The following ATL3 variants were observed in gnomAD, a reference collection of about 807,000 sequenced individuals.
ATL3 encodes the protein atlastin-3.
ATL3 carries 49 observed loss-of-function variants against 69.5 expected under a neutral mutation model. The observed-to-expected ratio is 0.71, with a 90% confidence interval of 0.56 to 0.89. The LOEUF (loss-of-function observed/expected upper bound fraction) is 0.89. Among genes scored for constraint, ATL3 ranks in the 40% least tolerant of loss-of-function variants. The probability of loss-of-function intolerance (pLI) is 0.00; values close to 1 mark genes in which losing one functional copy is unlikely to be tolerated. For synonymous variants in ATL3, 214 were observed against 224.1 expected (o/e 0.95, Z 0.40); for missense variants, 606 against 645.7 (o/e 0.94, Z 0.67).
intron 6 of ATL3, among the ~76,000 whole-genome samples, chr11:63,645,359 C>A (rs1016325582): frequency 2.6e-5 from 4 of 151,504 alleles, no homozygotes; most frequent in Non-Finnish European, 4.4e-5. Context: ...CATGCTACTG[C>A]ACTCCAGCCT....
chr11:63,666,311 T>TTACAGGCGTGAGCC (rs1176056105), intron 1 of ATL3, among the ~76,000 whole-genome samples: 1 of 152,164 alleles, frequency 6.6e-6, no homozygotes, highest in Admixed American at 6.5e-5. Flanking sequence ...AGTACTGGGA[T>TTACAGGCGTGAGCC]TACAGGCGTG....
intron 3 of ATL3, among the ~76,000 whole-genome samples, chr11:63,657,548 A>G (rs985629815): frequency 7.2e-5 from 11 of 152,380 alleles, no homozygotes; most frequent in African/African-American, 2.4e-4. Context: ...GTAACACATA[A>G]GAGCATCAGC....
At chr11:63,655,354 T>A (rs999185485) in intron 3 of ATL3, among the ~76,000 whole-genome samples, 7 of 152,126 alleles carry the variant, frequency 4.6e-5, no homozygotes, top group African/African-American at 1.7e-4. Context: ...CATCACCATG[T>A]TGGCCAGGCT....
upstream of ATL3, chr11:63,671,629 C>G (rs991461990): frequency 2.0e-5 from 28 of 1,419,962 alleles, no homozygotes; most frequent in South Asian, 2.6e-5. Context: ...AGCGAGCCGC[C>G]GGGTACCTGT....
rs1939179262 is a variant in ATL3 at position 63,628,122 on chromosome 11, T to C, written c.*1197A>G. On this transcript the variant is annotated 3_prime_UTR_variant, in exon 13 of 13. Transcript: ENST00000398868. ...ACCCCTCAAATGACAATTACAAGAG[T>C]TGTGTAAAACATACATACATATGTA... 2 of 152,070 alleles carry C rather than the reference T, an allele frequency of 1.3e-5. No homozygotes were observed. Among genetic ancestry groups the C allele is most frequent in the African/African-American group, 4.8e-5 (2 of 41,400 alleles). 9.4% of individuals were successfully genotyped at this position (152,070 alleles called of 1,614,324 possible).
At chr11:63,659,483 TGTA>T (rs1377120411) in intron 1 of ATL3, among the ~76,000 whole-genome samples, 1 of 152,026 alleles carries the variant, frequency 6.6e-6, no homozygotes, top group Non-Finnish European at 1.5e-5. Flanking sequence ...ATTAGCCATA[TGTA>T]GTGGTGTATA....
rs746731806 is a variant in ATL3 at position 63,631,209 on chromosome 11, G to A, written c.1370C>T (p.Ala457Val). 33 of 1,614,094 alleles carry A rather than the reference G, an allele frequency of 2.0e-5. No homozygotes were observed. The highest frequency in any genetic ancestry group is 2.7e-5 in the Non-Finnish European group (32 of 1,180,034). ...ACCTATGAAGCCAGTGAGGCCTGAG[G>A]CTATGTACAAAGCTACAATGCCCGT... ...LFTGIVALYI[A>V]SGLTGFIGLE... The change falls in exon 12 of 13, where the codon GCC (alanine) becomes GTC (valine). Residue 457 changes from alanine to valine, a missense_variant. Ala to Val is a moderately conservative substitution (Grantham distance 64). Coordinates refer to ENST00000398868, the MANE Select transcript of ATL3 (RefSeq NM_015459.5).
At position 63,629,160 on chromosome 11, in the gene ATL3, C is replaced by T; in HGVS notation, c.*159G>A. 1.6e-6 allele frequency: 1 copy of T among 608,000 alleles called. No homozygotes were observed. Among genetic ancestry groups the T allele is most frequent in the South Asian group, 2.2e-5 (1 of 45,292 alleles). 37.7% of individuals were successfully genotyped at this position (608,000 alleles called of 1,614,324 possible). On this transcript the variant is annotated 3_prime_UTR_variant, in exon 13 of 13. Coordinates refer to ENST00000398868, the MANE Select transcript of ATL3 (RefSeq NM_015459.5). ...GGAAGTGTGTTTAATAATTTGAAAC[C>T]ACAGGAGAGGTCTGCTCATTTATTA...
chr11:63,656,003 T>A (rs1940232163), intron 3 of ATL3, among the ~76,000 whole-genome samples: 1 of 151,998 alleles, frequency 6.6e-6, no homozygotes, highest in African/African-American at 2.4e-5. Context: ...GGCGGGCAGA[T>A]CACGAGGTCA....
At chr11:63,662,378 A>C (rs1940449012) in intron 1 of ATL3, among the ~76,000 whole-genome samples, 1 of 152,222 alleles carries the variant, frequency 6.6e-6, no homozygotes, top group African/African-American at 2.4e-5. Flanking sequence ...TAGGTAGTTA[A>C]AAGGACATAG....
At chr11:63,631,720 G>A (rs1195838908) in intron 11 of ATL3, among the ~76,000 whole-genome samples, 14 of 152,166 alleles carry the variant, frequency 9.2e-5, no homozygotes, top group Non-Finnish European at 1.6e-4. Context: ...GGTGGCTCAC[G>A]CCTGTAATCC....
chr11:63,629,283 C>CTT lies in ATL3; in HGVS notation c.*34_*35dup, dbSNP rs775406425. ...GCAGAAACCCAGAAATCAGTAGGGG[C>CTT]TTGTTGTGTTCTTGTTTGATCTTCA... On this transcript the variant is annotated 3_prime_UTR_variant, in exon 13 of 13. Transcript: ENST00000398868. 2.6e-6 allele frequency: 4 copies of CTT among 1,556,806 alleles called. No homozygotes were observed. The East Asian group carries it at 9.0e-5, about 35-fold the overall frequency.
At position 63,652,489 on chromosome 11, in the gene ATL3, AG is replaced by A; in HGVS notation, c.491del (p.Thr164IlefsTer2). 1 of 1,603,818 alleles carries A rather than the reference AG, an allele frequency of 6.2e-7. No individual in the cohort carries two copies. Among genetic ancestry groups the A allele is most frequent in the Non-Finnish European group, 8.5e-7 (1 of 1,173,810 alleles). ...TTTTTACCTGAACAGAACTAGTCATAGTGCTTAGAGCAAAGATGGTAGCACA... is the reference window on the plus strand; with the variant it reads ...TTTTTACCTGAACAGAACTAGTCATATGCTTAGAGCAAAGATGGTAGCACA... Reference protein sequence around the residue: ...KDCATIFALSTMTSSVQIYNL... With the variant: ...KDCATIFALSXMTSSVQIYNL... On this transcript the variant is annotated frameshift_variant, in exon 4 of 13. Transcript: ENST00000398868. LOFTEE classifies it high-confidence loss of function.
At chr11:63,656,476 G>A (rs547206840) in intron 3 of ATL3, among the ~76,000 whole-genome samples, 18 of 151,946 alleles carry the variant, frequency 1.2e-4, no homozygotes, top group Non-Finnish European at 2.6e-4. Flanking sequence ...GCTCATGCTT[G>A]TAATCCCAGC....
chr11:63,663,686 G>A (rs1485766102), intron 1 of ATL3, among the ~76,000 whole-genome samples: 1 of 152,158 alleles, frequency 6.6e-6, no homozygotes, highest in Non-Finnish European at 1.5e-5. Context: ...TCAGACTTCA[G>A]GGATAAGCCA....
At chr11:63,665,345 C>CA (rs1234905053) in intron 1 of ATL3, among the ~76,000 whole-genome samples, 1,970 of 74,948 alleles carry the variant, frequency 0.026, 50 homozygotes, top group African/African-American at 0.074. Flanking sequence ...GACTCCATCT[C>CA]AAAAAAAAAA....
chr11:63,655,854 C>T (rs1043897273), intron 3 of ATL3, among the ~76,000 whole-genome samples: 6 of 152,144 alleles, frequency 3.9e-5, no homozygotes, highest in African/African-American at 1.2e-4. Flanking sequence ...GAAATAATAA[C>T]CTTAAAATGT....
intron 1 of ATL3, 105 bp from the exon 2 acceptor site, chr11:63,659,357 T>C (rs986918938): frequency 6.6e-6 from 6 of 902,888 alleles, no homozygotes; most frequent in Non-Finnish European, 1.0e-5. Flanking sequence ...CCAGGCTCAA[T>C]GGCTCATGCC....
upstream of ATL3, chr11:63,671,635 C>T (rs1157717171): frequency 2.8e-6 from 4 of 1,418,230 alleles, no homozygotes; most frequent in East Asian, 3.3e-5. Context: ...CCGCCGGGTA[C>T]CTGTTGGCGG....
Sources: allele counts gnomAD v4.1 joint callset (sites outside exome capture counted in the v4.1 genomes callset), GRCh38; gene constraint gnomAD v4.1.1; transcripts MANE v1.5; gene names NCBI Gene and HGNC (gene_info 2026-07-23, HGNC 2026-07-21).